Variants in SH3KBP1 observed in about 807,000 individuals in gnomAD.
SH3KBP1 encodes SH3 domain containing kinase binding protein 1.
Under a neutral mutation model 50.1 loss-of-function variants are expected in SH3KBP1, and 8 were observed. The observed-to-expected ratio is 0.16, with a 90% CI of 0.09 to 0.29. The LOEUF is 0.29. Ranked by LOEUF, SH3KBP1 falls within the 10% of genes least tolerant of loss-of-function variation. The pLI is 1.00. For synonymous variants in SH3KBP1, 227 were observed against 218.6 expected, an observed-to-expected ratio of 1.04 and a Z score of -0.34; for missense variants, 377 against 535.2, an observed-to-expected ratio of 0.70 and a Z score of 2.92.
chrX:19,597,933 G>A (rs1272290532), intron 9 of SH3KBP1, among the ~76,000 whole-genome samples: 2 of 112,769 alleles, frequency 1.8e-5, no homozygotes, highest in Non-Finnish European at 1.9e-5. Context: ...GTTTAGTGTA[G>A]CCACCTTCAT....
chrX:19,676,515 C>T (rs946359217), intron 6 of SH3KBP1, among the ~76,000 whole-genome samples: 3 of 111,229 alleles, frequency 2.7e-5, no homozygotes, highest in East Asian at 2.8e-4. Context: ...TATAACTCAA[C>T]GGATAAATGC....
At chrX:19,536,556 A>C (rs1192454326) in intron 17 of SH3KBP1, 98 bp from the exon 18 acceptor site, 1 of 525,493 alleles carries the variant, frequency 1.9e-6, no homozygotes, top group Non-Finnish European at 3.1e-6. Context: ...AAAGAAAACA[A>C]TCAATCTGAC....
In SH3KBP1 at chrX:19,569,024, A is replaced by G. The variant is rs954268593; in HGVS notation, c.1384+79T>C. 27 of 860,792 alleles carry G rather than the reference A, an allele frequency of 3.1e-5. No homozygotes were observed. The South Asian group carries it at 4.9e-4, about 16-fold the overall frequency. 70.9% of individuals were successfully genotyped at this position (860,792 alleles called of 1,213,427 possible). A position where few individuals can be genotyped will look rare whatever the true frequency, so the allele number is the denominator to read the frequency against. On this transcript the variant is annotated intron_variant, in intron 13 of 17. Transcript: ENST00000397821. ...TTCAATGGCTTTATTACTTCTCATC[A>G]TGCTGGTTGAAGGCAAGCCAGGCTC...
chrX:19,611,997 A>C (rs1462165871), intron 8 of SH3KBP1, among the ~76,000 whole-genome samples: 1 of 108,726 alleles, frequency 9.2e-6, no homozygotes, highest in Non-Finnish European at 1.9e-5. Context: ...ATAGCCAAAG[A>C]AAAGAGTCTG....
At chrX:19,861,392 A>T (rs931145597) in intron 1 of SH3KBP1, among the ~76,000 whole-genome samples, 19 of 110,458 alleles carry the variant, frequency 1.7e-4, no homozygotes, top group Non-Finnish European at 3.0e-4. Flanking sequence ...AATAAATAAA[A>T]AATAAATAAA....
chrX:19,545,498 T>TATAAATTTATA (rs1167074109), intron 15 of SH3KBP1, among the ~76,000 whole-genome samples: 1 of 112,655 alleles, frequency 8.9e-6, no homozygotes, highest in Non-Finnish European at 1.9e-5. Context: ...TTTATATTTA[T>TATAAATTTATA]GATCTTCCAA....
chrX:19,673,743 T>C lies in SH3KBP1; in HGVS notation c.726+10080A>G, dbSNP rs749101176. On this transcript the variant is annotated intron_variant, in intron 6 of 17. Transcript: ENST00000397821. ...TGCCCAACTGAACTCCTTCACCAAC[T>C]TGCCCACCCACCCAGAAGAAGGGCA... Among the ~76,000 whole-genome samples the C allele has an allele frequency of 2.7e-5, 3 of 111,492 alleles. No individual in the cohort carries two copies. In the East Asian group the frequency reaches 8.5e-4, roughly 31 times the overall value.
chrX:19,604,551 T>C (rs747891022), intron 9 of SH3KBP1, among the ~76,000 whole-genome samples: 2 of 112,244 alleles, frequency 1.8e-5, no homozygotes, highest in African/African-American at 3.2e-5. Context: ...GGGTGAATGA[T>C]TGTAACCCCA....
intron 8 of SH3KBP1, among the ~76,000 whole-genome samples, chrX:19,621,302 G>A (rs1330539158): frequency 7.8e-5 from 8 of 102,088 alleles, no homozygotes; most frequent in Non-Finnish European, 1.2e-4. Flanking sequence ...TGTTAGCCAG[G>A]ATGGTCTCGA....
intron 12 of SH3KBP1, among the ~76,000 whole-genome samples, chrX:19,575,907 C>A (rs1233023875): frequency 9.0e-6 from 1 of 111,646 alleles, no homozygotes; most frequent in Non-Finnish European, 1.9e-5. Flanking sequence ...CCCAGTCTGC[C>A]CAGCATGTGG....
intron 8 of SH3KBP1, among the ~76,000 whole-genome samples, chrX:19,628,378 G>C (rs2061500930): frequency 1.8e-5 from 2 of 111,007 alleles, no homozygotes; most frequent in South Asian, 7.6e-4. Flanking sequence ...GTAAATCCTC[G>C]CAGCAGCCCT....
At chrX:19,747,788 G>A in intron 2 of SH3KBP1, 1 of 321,324 alleles carries the variant, frequency 3.1e-6, no homozygotes, top group Middle Eastern at 8.0e-4. Flanking sequence ...TGTTTCAACT[G>A]GCGTCCCAGA....
chrX:19,562,254 T>G (rs942425664), intron 13 of SH3KBP1, among the ~76,000 whole-genome samples: 1 of 111,618 alleles, frequency 9.0e-6, no homozygotes, highest in East Asian at 2.8e-4. Flanking sequence ...AATTTTCTGG[T>G]AGACTGTACA....
intron 5 of SH3KBP1, chrX:19,687,524 G>T: frequency 1.4e-6 from 1 of 695,875 alleles, no homozygotes; most frequent in Non-Finnish European, 2.3e-6. Flanking sequence ...CTTGGCATAA[G>T]CATGAGCAGC....
intron 12 of SH3KBP1, among the ~76,000 whole-genome samples, chrX:19,578,386 C>T (rs1448267557): frequency 4.5e-5 from 5 of 111,663 alleles, no homozygotes; most frequent in African/African-American, 9.8e-5. Flanking sequence ...ACAAGGCCAA[C>T]GCAAGTAAGC....
chrX:19,664,215 C>T (rs754318421), intron 6 of SH3KBP1, among the ~76,000 whole-genome samples: 1 of 111,858 alleles, frequency 8.9e-6, no homozygotes, highest in East Asian at 2.8e-4. Context: ...TCTACTGCAA[C>T]GACCACTGTT....
At chrX:19,583,716 T>C (rs987226758) in intron 12 of SH3KBP1, among the ~76,000 whole-genome samples, 7 of 107,836 alleles carry the variant, frequency 6.5e-5, no homozygotes, top group African/African-American at 2.4e-4. Context: ...CTGGAACACC[T>C]GGGTCTGACC....
At chrX:19,541,024 C>T (rs780533910) in intron 16 of SH3KBP1, among the ~76,000 whole-genome samples, 4 of 111,045 alleles carry the variant, frequency 3.6e-5, no homozygotes, top group African/African-American at 1.3e-4. Context: ...AAGCAATTCT[C>T]CTGCCTCAGC....
rs141396234 is a variant in SH3KBP1, at chrX:19,607,960, G to A, written c.983C>T (p.Pro328Leu). 34 of 1,208,040 alleles carry A rather than the reference G, an allele frequency of 2.8e-5. No individual in the cohort carries two copies. The highest frequency in any genetic ancestry group is 5.2e-5 in the African/African-American group (3 of 57,218). Reference sequence around the variant, plus strand: ...TACATTCCCTTCCTTTTCAAAGTCCGGTGGAAGTAACTTCACGAAGTTATC... The same window carrying A: ...TACATTCCCTTCCTTTTCAAAGTCCAGTGGAAGTAACTTCACGAAGTTATC... ...FPDNFVKLLP[P>L]DFEKEGNRPK... The change falls in exon 9 of 18, where the codon CCG becomes CTG. Residue 328 changes from proline to leucine, a missense_variant. Pro to Leu is a moderately conservative substitution (Grantham distance 98, BLOSUM62 -3). Transcript: ENST00000397821.
Sources: gnomAD v4.1 joint callset for allele counts (sites outside exome capture counted in the v4.1 genomes callset) on GRCh38, gnomAD v4.1.1 for gene constraint, MANE v1.5 for transcripts, NCBI Gene and HGNC (gene_info 2026-07-23, HGNC 2026-07-21) for gene names.